Variants in PIAS1 observed in about 807,000 individuals in gnomAD.
PIAS1 encodes the protein E3 SUMO-protein ligase PIAS1.
In PIAS1, 6 loss-of-function variants were observed where a neutral mutation model predicts 71.3. The observed-to-expected ratio is 0.08, with a 90% CI of 0.05 to 0.17. The LOEUF (loss-of-function observed/expected upper bound fraction) is 0.17, where lower values mean the gene tolerates loss of function less well. Ranked by LOEUF, PIAS1 falls within the 10% of genes least tolerant of loss-of-function variation. PIAS1 has a pLI of 1.00. For synonymous variants in PIAS1, 303 were observed against 292.9 expected (o/e 1.03, Z -0.35); for missense variants, 555 against 793.6 (o/e 0.70, Z 3.61).
chr15:68,088,176 G>GTATGTATATATATATATATGTATATA (rs1555424823), intron 2 of PIAS1, among the ~76,000 whole-genome samples: 7 of 72,994 alleles, frequency 9.6e-5, no homozygotes, highest in African/African-American at 3.7e-4. Context: ...TTATGTGTGT[G>GTATGTATATATATATATATGTATATA]TATATATATA....
At position 68,190,357 on chromosome 15, in the gene PIAS1, T is replaced by C. The variant is rs911557514; in HGVS notation, c.*2522T>C. On this transcript the variant is annotated 3_prime_UTR_variant, in exon 14 of 14. Coordinates refer to ENST00000249636, the MANE Select transcript of PIAS1 (RefSeq NM_016166.3). The surrounding 1 kb of genome is among the most constrained non-coding windows in gnomAD (Gnocchi z 4.7). ...AAAATGTTGCATTAAGTAATAGTTG[T>C]CACTCTGTTGGTCTCATGGTCAATA... is the stretch of plus-strand genomic sequence containing the variant. 2.0e-5 allele frequency: 3 copies of C among 152,232 alleles called. No homozygotes were observed. The highest frequency in any genetic ancestry group is 2.9e-5 in the Non-Finnish European group (2 of 68,050). The allele number at this position is 152,232 out of a possible 1,614,324, so 9.4% of individuals were successfully genotyped here. A position where few individuals can be genotyped will look rare whatever the true frequency, so the allele number is the denominator to read the frequency against.
chr15:68,187,624 C>T lies in PIAS1; in HGVS notation c.1745C>T (p.Pro582Leu), dbSNP rs768719323. 6.2e-7 allele frequency: 1 copy of T among 1,613,946 alleles called. No homozygotes were observed. Among genetic ancestry groups the T allele is most frequent in the Non-Finnish European group, 8.5e-7 (1 of 1,179,844 alleles). The change falls in exon 14 of 14, where the codon CCG (proline) becomes CTG (leucine). Residue 582 changes from proline (P) to leucine (L), a missense_variant. By Grantham distance (98) the Pro-to-Leu change is moderately conservative. This residue lies in a region of PIAS1 where 244 missense variants were observed against 307.5 expected (regional missense o/e 0.79). Transcript: ENST00000249636. The surrounding 1 kb of genome is among the most constrained non-coding windows in gnomAD (Gnocchi z 5.3). ...QDLLHSSRFF[P>L]YTSSQMFLDQ... is the part of the protein sequence containing the mutation. ...CTCCTACACTCGTCTCGGTTTTTCC[C>T]GTATACCTCCTCACAGATGTTTCTT...
intron 12 of PIAS1, 36 bp from the exon 13 acceptor site, chr15:68,183,592 CTT>C (rs752717754): frequency 1.1e-5 from 9 of 800,300 alleles, no homozygotes; most frequent in African/African-American, 1.8e-5. Flanking sequence ...GTTTTTCCTT[CTT>C]TTTTTTTTAA....
chr15:68,177,530 T>C (rs1196795983), intron 11 of PIAS1, among the ~76,000 whole-genome samples: 1 of 152,184 alleles, frequency 6.6e-6, no homozygotes, highest in Non-Finnish European at 1.5e-5. Flanking sequence ...TGCAGAGTTT[T>C]CTCCCATATT....
chr15:68,191,559 C>G lies in PIAS1; in HGVS notation c.*3724C>G, dbSNP rs182397922. The G allele has an allele frequency of 9.8e-5, 15 of 152,750 alleles. No homozygotes were observed. The highest frequency in any genetic ancestry group is 3.6e-4 in the African/African-American group (15 of 41,578). 9.5% of individuals were successfully genotyped at this position (152,750 alleles called of 1,614,324 possible). The stretch of plus-strand genomic sequence containing the variant: ...TTGTGCTTCCAAAGCACCTTTCATC[C>G]AGAGATTTCAAAGCATGACAAGTAA... On this transcript the variant is annotated 3_prime_UTR_variant, in exon 14 of 14. Transcript: ENST00000249636.
chr15:68,085,140 C>A (rs944075611), intron 1 of PIAS1, among the ~76,000 whole-genome samples: 2 of 152,110 alleles, frequency 1.3e-5, no homozygotes, highest in African/African-American at 4.8e-5. Context: ...GCAGCATAAG[C>A]ATAGCTTTTG....
chr15:68,181,670 G>C (rs2093054022), intron 12 of PIAS1: 1 of 202,042 alleles, frequency 4.9e-6, no homozygotes, highest in Admixed American at 5.3e-5. Flanking sequence ...TGGTATTTAT[G>C]AACATTATTT....
At chr15:68,091,788 C>T (rs2092334056) in intron 2 of PIAS1, among the ~76,000 whole-genome samples, 1 of 152,120 alleles carries the variant, frequency 6.6e-6, no homozygotes, top group African/African-American at 2.4e-5. Flanking sequence ...TAACACAAGT[C>T]CTGTTTTATA....
chr15:68,063,034 A>T (rs756155885), intron 1 of PIAS1, among the ~76,000 whole-genome samples: 9 of 47,014 alleles, frequency 1.9e-4, no homozygotes, highest in Admixed American at 5.4e-4. Flanking sequence ...TGGTTTTTTT[A>T]AAAAAATAAT....
chr15:68,094,824 C>T (rs1350002226), intron 2 of PIAS1, among the ~76,000 whole-genome samples: 1 of 152,144 alleles, frequency 6.6e-6, no homozygotes, highest in Non-Finnish European at 1.5e-5. Context: ...ATTTTTCTCC[C>T]TAATTGGCAG....
intron 1 of PIAS1, among the ~76,000 whole-genome samples, chr15:68,072,786 A>G (rs1031821881): frequency 1.3e-5 from 2 of 152,038 alleles, no homozygotes; most frequent in African/African-American, 4.8e-5. Context: ...TTTACTCTTC[A>G]ATTAGATTTA....
intron 2 of PIAS1, among the ~76,000 whole-genome samples, chr15:68,097,784 A>G (rs1355163257): frequency 6.6e-6 from 1 of 152,146 alleles, no homozygotes; most frequent in African/African-American, 2.4e-5. Context: ...AGATGATTGT[A>G]TAGTTTTTCC....
At chr15:68,082,022 A>G (rs951640710) in intron 1 of PIAS1, among the ~76,000 whole-genome samples, 1 of 152,222 alleles carries the variant, frequency 6.6e-6, no homozygotes, top group Non-Finnish European at 1.5e-5. Context: ...ATTATGGGTC[A>G]GATTGGTACT....
chr15:68,059,332 AGT>A (rs1224515931), intron 1 of PIAS1, among the ~76,000 whole-genome samples: 1 of 151,768 alleles, frequency 6.6e-6, no homozygotes, highest in African/African-American at 2.4e-5. Context: ...CTTTTTTTGC[AGT>A]GTGTTTGCAG....
In PIAS1 at chr15:68,157,896, A is replaced by G. The variant is rs181904544; in HGVS notation, c.934+4201A>G. On this transcript the variant is annotated intron_variant, in intron 7 of 13. Transcript: ENST00000249636. ...AAACTGAACTCACCAACTCCTGTCA[A>G]ACTTACTCCCTAAATATTTCTCAAA... is the stretch of plus-strand genomic sequence containing the variant. 5.2e-3 allele frequency among the ~76,000 whole-genome samples: 787 copies of G among 152,220 alleles called. 6 individuals carry two copies. The highest frequency in any genetic ancestry group is 0.018 in the African/African-American group (756 of 41,530).
rs571105267 is a variant in PIAS1, at chr15:68,070,649, C to T, written c.25-15657C>T. Among the ~76,000 whole-genome samples, 33 of 152,182 alleles carry T rather than the reference C, an allele frequency of 2.2e-4. No homozygotes were observed. In the Middle Eastern group the frequency reaches 0.01, roughly 47 times the overall value. On this transcript the variant is annotated intron_variant, in intron 1 of 13. Transcript: ENST00000249636. ...ATTAAGATTTGCTGTAAGTGTAAAA[C>T]ATACTGGATTTCGAAGACATAGTAT...
Position 68,176,478 on chromosome 15 carries a change from C to T in PIAS1, c.1305C>T (p.Cys435=). 1 of 1,593,044 alleles carries T rather than the reference C, an allele frequency of 6.3e-7. No homozygotes were observed. Among genetic ancestry groups the T allele is most frequent in the Non-Finnish European group, 8.5e-7 (1 of 1,171,770 alleles). The change falls in exon 11 of 14, where the codon TGC becomes TGT. Residue 435 remains cysteine (C), a synonymous_variant. Transcript: ENST00000249636. ...VSASYNGVDG[C]LSSTLEHQVA... ...ATTTTAATCATTCCCATATAGGATG[C>T]TTGAGCTCCACATTGGAGCATCAGG...
In PIAS1 at chr15:68,085,689, A is replaced by T. The variant is rs972847504; in HGVS notation, c.25-617A>T. Among the ~76,000 whole-genome samples, 3 of 152,222 alleles carry T rather than the reference A, an allele frequency of 2.0e-5. No individual in the cohort carries two copies. In the East Asian group the frequency reaches 5.8e-4, roughly 29 times the overall value. ...TCCTCATGTATAAATCAGGCAGGAT[A>T]ATACCTTGCGGAGTTGTAAAGATAA... On this transcript the variant is annotated intron_variant, in intron 1 of 13. Coordinates refer to ENST00000249636, the MANE Select transcript of PIAS1 (RefSeq NM_016166.3).
At chr15:68,130,481 ATAACT>A (rs1004587830) in intron 2 of PIAS1, among the ~76,000 whole-genome samples, 10 of 151,974 alleles carry the variant, frequency 6.6e-5, no homozygotes, top group African/African-American at 2.4e-4. Flanking sequence ...TGATATACTG[ATAACT>A]TGACAATATT....
Sources: allele counts gnomAD v4.1 joint callset (sites outside exome capture counted in the v4.1 genomes callset), GRCh38; gene constraint gnomAD v4.1.1; regional missense constraint gnomAD v4.1.1; non-coding constraint Gnocchi (gnomAD v3.1); transcripts MANE v1.5; gene names NCBI Gene and HGNC (gene_info 2026-07-23, HGNC 2026-07-21).